The following MYT1L variants were observed in gnomAD, a reference collection of about 807,000 sequenced individuals.
The protein encoded by MYT1L is myelin transcription factor 1 like, also known as myelin transcription factor 1-like protein.
In MYT1L, 12 loss-of-function variants were observed where a neutral mutation model predicts 126.7. The observed-to-expected ratio is 0.09, with a 90% CI of 0.06 to 0.15. The LOEUF is 0.15. Ranked by LOEUF, MYT1L falls within the 10% of genes least tolerant of loss-of-function variation. The pLI is 1.00. For missense variants in MYT1L, 979 were observed against 1,585.2 expected (o/e 0.62, Z 6.49); for synonymous variants, 541 against 604.2 (o/e 0.90, Z 1.53).
intron 8 of MYT1L, among the ~76,000 whole-genome samples, chr2:1,957,779 T>TCCTCAGAAG (rs201144879): frequency 0.017 from 2,635 of 152,334 alleles, 61 homozygotes; most frequent in South Asian, 0.098. Context: ...CTCTGCTGAT[T>TCCTCAGAAG]CCTCAGAAGC....
chr2:1,845,033 C>T (rs1264648562), intron 19 of MYT1L, among the ~76,000 whole-genome samples: 1 of 150,410 alleles, frequency 6.6e-6, no homozygotes, highest in Non-Finnish European at 1.5e-5. Flanking sequence ...GGCTGGAGTG[C>T]AGGGGCATGA....
rs573145541 is a variant in MYT1L at position 1,889,070 on chromosome 2, G to A, written c.2520+171C>T. On this transcript the variant is annotated intron_variant, in intron 16 of 24. Transcript: ENST00000647738. This position sits in a 1 kb window ranked among gnomAD's most constrained non-coding sequence, Gnocchi z 4.1. ...TGTTTCACTCTAATCAATGTTAGTC[G>A]CAAATCTCTTCTGGGTCAACAAAAA... 3.3e-5 allele frequency among the ~76,000 whole-genome samples: 5 copies of A among 152,180 alleles called. No individual in the cohort carries two copies. The highest frequency in any genetic ancestry group is 9.6e-5 in the African/African-American group (4 of 41,510).
intron 4 of MYT1L, among the ~76,000 whole-genome samples, chr2:2,038,690 A>AGAGT (rs1356879621): frequency 6.6e-6 from 1 of 151,950 alleles, no homozygotes; most frequent in Non-Finnish European, 1.5e-5. Flanking sequence ...AGTGGGTTCC[A>AGAGT]GTACACTCTG....
At chr2:1,957,977 T>C (rs1484791013) in intron 8 of MYT1L, among the ~76,000 whole-genome samples, 1 of 152,074 alleles carries the variant, frequency 6.6e-6, no homozygotes, top group African/African-American at 2.4e-5. Context: ...AAGCAGGGAG[T>C]GTCTGATAAG....
At chr2:2,250,691 G>C (rs1046629754) in intron 2 of MYT1L, among the ~76,000 whole-genome samples, 39 of 152,156 alleles carry the variant, frequency 2.6e-4, no homozygotes, top group African/African-American at 9.2e-4. Flanking sequence ...CACAAAGAAT[G>C]CTTGAGGGGA....
intron 21 of MYT1L, among the ~76,000 whole-genome samples, chr2:1,820,292 T>C (rs574312975): frequency 6.6e-6 from 1 of 152,232 alleles, no homozygotes; most frequent in Admixed American, 6.5e-5. Context: ...CCAGCATTGC[T>C]GTTGAGTACA....
intron 2 of MYT1L, among the ~76,000 whole-genome samples, chr2:2,233,551 G>A (rs1378751014): frequency 6.6e-6 from 1 of 152,212 alleles, no homozygotes; most frequent in Non-Finnish European, 1.5e-5. Context: ...CAGGACACTC[G>A]TGTGTCCCTG....
In MYT1L at chr2:2,165,935, TA is replaced by T. The variant is rs573857367; in HGVS notation, c.-304+6936del. On this transcript the variant is annotated intron_variant, in intron 3 of 24. Coordinates refer to ENST00000647738, the MANE Select transcript of MYT1L (RefSeq NM_001303052.2). The stretch of plus-strand genomic sequence containing the variant: ...TAAAATCTTTTATTTTTCTACTTTG[TA>T]AAAAAATAAAATCTTTTATTTTTCT... 1.6e-4 allele frequency among the ~76,000 whole-genome samples: 25 copies of T among 152,124 alleles called. 2 individuals are homozygous for T. Among genetic ancestry groups the T allele is most frequent in the African/African-American group, 5.8e-4 (24 of 41,558 alleles).
chr2:1,825,791 G>C (rs2039227949), intron 21 of MYT1L: 1 of 152,206 alleles, frequency 6.6e-6, no homozygotes, highest in African/African-American at 2.4e-5. Context: ...GCAGTGGCTG[G>C]ATAGTCCCCT....
At chr2:2,107,876 C>T (rs943660266) in intron 3 of MYT1L, among the ~76,000 whole-genome samples, 2 of 152,164 alleles carry the variant, frequency 1.3e-5, no homozygotes, top group African/African-American at 4.8e-5. Context: ...ACCCCAGAGA[C>T]GCAGTTGCTG....
intron 8 of MYT1L, among the ~76,000 whole-genome samples, chr2:1,962,058 T>C (rs1329316791): frequency 1.3e-5 from 2 of 152,252 alleles, no homozygotes; most frequent in African/African-American, 4.8e-5. Context: ...AATTATCACA[T>C]GTACTATGAA....
At chr2:2,189,836 GGCACGGGGAGAAGCAGCGTTCTCAGGACC>G (rs1559285519) in intron 2 of MYT1L, among the ~76,000 whole-genome samples, 2 of 135,256 alleles carry the variant, frequency 1.5e-5, no homozygotes, top group South Asian at 2.2e-4. Context: ...TTCTCAGGAC[GGCACGGGGAGAAGCAGCGTTCTCAGGACC>G]GCACGGGGAG....
intron 18 of MYT1L, 107 bp from the exon 19 acceptor site, chr2:1,851,810 C>A: frequency 9.1e-7 from 1 of 1,094,626 alleles, no homozygotes; most frequent in South Asian, 1.3e-5. Flanking sequence ...GCTTCACTTC[C>A]TACTTGAAAG....
At chr2:1,891,636 G>GT (rs1413548931) in intron 15 of MYT1L, among the ~76,000 whole-genome samples, 1 of 152,084 alleles carries the variant, frequency 6.6e-6, no homozygotes, top group East Asian at 1.9e-4. Flanking sequence ...TGCATTTCAC[G>GT]TGACAATGGT....
At chr2:1,822,666 T>C (rs2038717207) in intron 21 of MYT1L, among the ~76,000 whole-genome samples, 2 of 152,198 alleles carry the variant, frequency 1.3e-5, no homozygotes, top group African/African-American at 2.4e-5. Context: ...AAACTCACCC[T>C]GAGGTGGTCT....
intron 8 of MYT1L, among the ~76,000 whole-genome samples, chr2:1,949,739 C>T (rs1415201416): frequency 2.0e-5 from 3 of 152,246 alleles, no homozygotes; most frequent in South Asian, 2.1e-4. Context: ...GAGAGAGGAA[C>T]GAGGTGAGGG....
chr2:1,845,892 T>C (rs2042431301), intron 19 of MYT1L, among the ~76,000 whole-genome samples: 1 of 152,210 alleles, frequency 6.6e-6, no homozygotes, highest in African/African-American at 2.4e-5. Context: ...ATACTGGTCC[T>C]TTGCTTGGAA....
chr2:1,856,493 A>G (rs2043940956), intron 18 of MYT1L, among the ~76,000 whole-genome samples: 1 of 152,174 alleles, frequency 6.6e-6, no homozygotes, highest in Non-Finnish European at 1.5e-5. Flanking sequence ...GGCTTTTCAG[A>G]TGCCCTCTGA....
intron 4 of MYT1L, among the ~76,000 whole-genome samples, chr2:2,011,680 T>G (rs2063843060): frequency 6.6e-6 from 1 of 152,134 alleles, no homozygotes; most frequent in Non-Finnish European, 1.5e-5. Context: ...TATAAATCAA[T>G]AATAGAATGA....
Sources: allele counts gnomAD v4.1 joint callset (sites outside exome capture counted in the v4.1 genomes callset), GRCh38; gene constraint gnomAD v4.1.1; non-coding constraint Gnocchi (gnomAD v3.1); transcripts MANE v1.5; gene names NCBI Gene and HGNC (gene_info 2026-07-23, HGNC 2026-07-21).